NRXN2: variants seen among roughly 807,000 people sequenced by gnomAD.
NRXN2 encodes neurexin 2.
Under a neutral mutation model 128.8 loss-of-function variants are expected in NRXN2, and 29 were observed. The ratio of observed to expected loss-of-function variants is 0.23; its 90% CI spans 0.17 to 0.31. The LOEUF is 0.31. Among genes scored for constraint, NRXN2 ranks in the 10% least tolerant of loss-of-function variants. NRXN2 has a pLI of 1.00. For synonymous variants in NRXN2, 1,098 were observed against 1,075.2 expected (o/e 1.02, Z -0.41); for missense variants, 1,881 against 2,452.6 (o/e 0.77, Z 4.92).
chr11:64,621,966 G>A (rs1230801055), intron 21 of NRXN2, among the ~76,000 whole-genome samples: 2 of 152,096 alleles, frequency 1.3e-5, no homozygotes, highest in African/African-American at 4.8e-5. Flanking sequence ...GAGCAGGTGG[G>A]GTGGGCTCCA....
At chr11:64,684,805 A>T (rs1034085219) in intron 6 of NRXN2, among the ~76,000 whole-genome samples, 2 of 152,200 alleles carry the variant, frequency 1.3e-5, no homozygotes, top group Non-Finnish European at 2.9e-5. Flanking sequence ...GCCTTGGGAA[A>T]GGTGAAGAGG....
chr11:64,665,589 G>A (rs1034275670), intron 9 of NRXN2, among the ~76,000 whole-genome samples: 7 of 152,132 alleles, frequency 4.6e-5, no homozygotes, highest in Non-Finnish European at 8.8e-5. Flanking sequence ...TGTAAAGCCC[G>A]GGGGAGGCAA....
intron 9 of NRXN2, 134 bp from the exon 10 acceptor site, chr11:64,661,273 A>T: frequency 6.5e-7 from 1 of 1,544,996 alleles, no homozygotes; most frequent in Non-Finnish European, 8.7e-7. Context: ...GAGGACGAGC[A>T]GCAGTCCTGG....
intron 3 of NRXN2, among the ~76,000 whole-genome samples, chr11:64,694,161 T>C (rs2054193053): frequency 6.6e-6 from 1 of 152,128 alleles, no homozygotes; most frequent in African/African-American, 2.4e-5. Context: ...CTTCCTGAGA[T>C]GGCCAGCCAG....
intron 6 of NRXN2, among the ~76,000 whole-genome samples, chr11:64,679,408 C>A (rs1247261860): frequency 6.6e-6 from 1 of 152,120 alleles, no homozygotes; most frequent in Non-Finnish European, 1.5e-5. Context: ...GAGGCCGAGG[C>A]AGGCGGATCA....
intron 2 of NRXN2, chr11:64,712,585 T>G: frequency 2.7e-6 from 1 of 371,866 alleles, no homozygotes; most frequent in South Asian, 2.1e-5. Context: ...CCCACTGCCT[T>G]TAATGGGCCC....
chr11:64,664,285 T>C lies in NRXN2; in HGVS notation c.1798+2965A>G, dbSNP rs71456322. Among the ~76,000 whole-genome samples the C allele has an allele frequency of 9.3e-3, 1,401 of 151,346 alleles. 5 individuals are homozygous for C. Among genetic ancestry groups the C allele is most frequent in the Non-Finnish European group, 0.014 (959 of 67,828 alleles). Reference sequence around the variant, plus strand: ...TGAGGTCAGGAGTTCAAGACCAGCCTGATCAACATGGTGAAACCCTGTCTC... The same window carrying C: ...TGAGGTCAGGAGTTCAAGACCAGCCCGATCAACATGGTGAAACCCTGTCTC... On this transcript the variant is annotated intron_variant, in intron 9 of 22. Coordinates refer to ENST00000265459, the MANE Select transcript of NRXN2 (RefSeq NM_015080.4).
rs147449930 is a variant in NRXN2 at position 64,641,854 on chromosome 11, G to A, written c.3403+6365C>T. On this transcript the variant is annotated intron_variant, in intron 17 of 22. Transcript: ENST00000265459. ...GAGGTAGAGACAGAGCAGAGATGAG[G>A]GGACATGGAAGGGAGACACTAGAGA... is the stretch of plus-strand genomic sequence containing the variant. Among the ~76,000 whole-genome samples the A allele has an allele frequency of 7.3e-4, 111 of 152,046 alleles. 1 individual carries two copies. In the East Asian group the frequency reaches 0.018, roughly 24 times the overall value.
rs144263183 is a variant in NRXN2 at position 64,711,498 on chromosome 11, C to A, written c.730+1472G>T. Among the ~76,000 whole-genome samples the A allele has an allele frequency of 3.2e-3, 487 of 152,262 alleles. 3 individuals carry two copies. Among genetic ancestry groups the A allele is most frequent in the African/African-American group, 0.011 (445 of 41,550 alleles). ...TCCTCTCCTCAGCGCCCCCTGCCCCCCGACACCACAGCCCCGCCCCGGGCC... is the reference window on the plus strand; with the variant it reads ...TCCTCTCCTCAGCGCCCCCTGCCCCACGACACCACAGCCCCGCCCCGGGCC... On this transcript the variant is annotated intron_variant, in intron 2 of 22. Transcript: ENST00000265459.
chr11:64,632,522 G>C lies in NRXN2; in HGVS notation c.3586-1949C>G, dbSNP rs1037027872. 8.5e-5 allele frequency among the ~76,000 whole-genome samples: 13 copies of C among 152,188 alleles called. No individual in the cohort carries two copies. Among genetic ancestry groups the C allele is most frequent in the Non-Finnish European group, 1.6e-4 (11 of 68,030 alleles). Reference sequence around the variant, plus strand: ...AATAATACCACCCAGAATAGTATCAGCTCCCTGGATTCCTCTGAGGATTTC... The same window carrying C: ...AATAATACCACCCAGAATAGTATCACCTCCCTGGATTCCTCTGAGGATTTC... On this transcript the variant is annotated intron_variant, in intron 18 of 22. Coordinates refer to ENST00000265459, the MANE Select transcript of NRXN2 (RefSeq NM_015080.4). This position sits in a 1 kb window ranked among gnomAD's most constrained non-coding sequence, Gnocchi z 4.2.
chr11:64,681,940 A>G (rs2052353499), intron 6 of NRXN2, among the ~76,000 whole-genome samples: 1 of 152,114 alleles, frequency 6.6e-6, no homozygotes, highest in African/African-American at 2.4e-5. Flanking sequence ...ACCCCTGGGG[A>G]CTCCATCCTT....
In NRXN2 at chr11:64,610,800, G is replaced by A. The variant is rs531173611; in HGVS notation, c.4253-2718C>T. On this transcript the variant is annotated intron_variant, in intron 22 of 22. Transcript: ENST00000265459. ...CTCTCAGGAGGGTTGGCAGCCTCTC[G>A]AGCGGTCGTAACCTGGGCCCAATCA... Among the ~76,000 whole-genome samples the A allele has an allele frequency of 3.9e-5, 6 of 152,292 alleles. No homozygotes were observed. The East Asian group carries it at 7.7e-4, about 20-fold the overall frequency.
rs574574473 is a variant in NRXN2 at position 64,714,116 on chromosome 11, G to A, written c.-244-173C>T. 6.6e-6 allele frequency among the ~76,000 whole-genome samples: 1 copy of A among 152,302 alleles called. No individual in the cohort carries two copies. Among genetic ancestry groups the A allele is most frequent in the South Asian group, 2.1e-4 (1 of 4,828 alleles). ...TCCCGAGGCAAGAGACGCGGATTCCGGGGGCCAGCACTTAGGAGAGATGGC... is the reference window on the plus strand; with the variant it reads ...TCCCGAGGCAAGAGACGCGGATTCCAGGGGCCAGCACTTAGGAGAGATGGC... On this transcript the variant is annotated intron_variant, in intron 1 of 22. Transcript: ENST00000265459. This position sits in a 1 kb window ranked among gnomAD's most constrained non-coding sequence, Gnocchi z 4.5.
intron 22 of NRXN2, 73 bp from the exon 23 acceptor site, chr11:64,608,155 A>T (rs1388415552): frequency 2.4e-5 from 27 of 1,138,358 alleles, no homozygotes; most frequent in Non-Finnish European, 3.5e-5. Flanking sequence ...GCACAGAGAG[A>T]GAAACAACAG....
intron 15 of NRXN2, among the ~76,000 whole-genome samples, chr11:64,649,468 C>T (rs1172046206): frequency 6.6e-6 from 1 of 152,226 alleles, no homozygotes; most frequent in East Asian, 1.9e-4. Context: ...CCCTAGCCAG[C>T]CCACAGCCGA....
chr11:64,611,774 C>T (rs2040681836), intron 22 of NRXN2, among the ~76,000 whole-genome samples: 1 of 152,140 alleles, frequency 6.6e-6, no homozygotes, highest in South Asian at 2.1e-4. Flanking sequence ...CAGCTGCTTC[C>T]TGGTCTCCAT....
Position 64,632,562 on chromosome 11 carries a change from G to A in NRXN2, c.3586-1989C>T, listed in dbSNP as rs529530735. On this transcript the variant is annotated intron_variant, in intron 18 of 22. Transcript: ENST00000265459. This position sits in a 1 kb window ranked among gnomAD's most constrained non-coding sequence, Gnocchi z 4.2. Reference sequence around the variant, plus strand: ...CTGAGGATTTCTCCCCACAGGCTCAGCCCAGGCAGTGATGGTGGTCAAGGA... The same window carrying A: ...CTGAGGATTTCTCCCCACAGGCTCAACCCAGGCAGTGATGGTGGTCAAGGA... Among the ~76,000 whole-genome samples, 45 of 152,284 alleles carry A rather than the reference G, an allele frequency of 3.0e-4. No homozygotes were observed. The highest frequency in any genetic ancestry group is 1.0e-3 in the African/African-American group (43 of 41,564).
intron 2 of NRXN2, 154 bp downstream of exon 2, chr11:64,712,816 G>T: frequency 1.5e-6 from 1 of 672,978 alleles, no homozygotes; most frequent in Non-Finnish European, 2.6e-6. Context: ...GCCCGGACAC[G>T]CGTCCCCGCA....
chr11:64,702,021 C>T (rs1592223515), intron 2 of NRXN2, among the ~76,000 whole-genome samples: 1 of 143,088 alleles, frequency 7.0e-6, no homozygotes, highest in African/African-American at 2.6e-5. Flanking sequence ...CAGCCCCCCG[C>T]CTGGCCAGCC....
Sources: allele counts gnomAD v4.1 joint callset (sites outside exome capture counted in the v4.1 genomes callset), GRCh38; gene constraint gnomAD v4.1.1; non-coding constraint Gnocchi (gnomAD v3.1); transcripts MANE v1.5; gene names NCBI Gene and HGNC (gene_info 2026-07-23, HGNC 2026-07-21).